LRBA: variants seen among roughly 807,000 people sequenced by gnomAD.
LRBA encodes lipopolysaccharide-responsive and beige-like anchor protein.
A neutral mutation model predicts 330.0 loss-of-function variants in LRBA; 176 were observed. That is an observed-to-expected ratio of 0.53 (90% CI 0.47 to 0.60). LRBA has a LOEUF of 0.60. LRBA is among the 20% of genes least tolerant of loss of function. The probability of loss-of-function intolerance (pLI) is 0.00; values close to 1 mark genes in which losing one functional copy is unlikely to be tolerated. For missense variants in LRBA, 3,259 were observed against 3,444.8 expected (o/e 0.95, Z 1.35); for synonymous variants, 1,230 against 1,193.0 (o/e 1.03, Z -0.64).
At chr4:150,940,859 CTTCTTTTTGTTTTCT>C (rs1561034267) in intron 2 of LRBA, among the ~76,000 whole-genome samples, 1 of 151,194 alleles carries the variant, frequency 6.6e-6, no homozygotes, top group Non-Finnish European at 1.5e-5. Flanking sequence ...TTTTGTTTTC[CTTCTTTTTGTTTTCT>C]TTCTTTCATG....
chr4:150,963,439 G>A lies in LRBA; in HGVS notation c.217-34374C>T, dbSNP rs1435507747. 1.3e-5 allele frequency among the ~76,000 whole-genome samples: 2 copies of A among 149,560 alleles called. 1 individual carries two copies. The highest frequency in any genetic ancestry group is 5.1e-5 in the African/African-American group (2 of 38,922). On this transcript the variant is annotated intron_variant, in intron 2 of 56. Coordinates refer to ENST00000651943, the MANE Select transcript of LRBA (RefSeq NM_001364905.1). ...TGACTGCGAGTGGTCTGCCGGCCTC[G>A]GCCTCCTGAGGTGCCGGGATTGCAG...
chr4:150,638,170 T>C (rs557162419), intron 37 of LRBA, among the ~76,000 whole-genome samples: 1 of 152,118 alleles, frequency 6.6e-6, no homozygotes, highest in African/African-American at 2.4e-5. Context: ...AAGCTGGGAT[T>C]ACAGGCAAGC....
chr4:150,826,910 G>A (rs1367019452), intron 30 of LRBA, among the ~76,000 whole-genome samples: 1 of 152,176 alleles, frequency 6.6e-6, no homozygotes, highest in Non-Finnish European at 1.5e-5. Flanking sequence ...CATCAAGTTT[G>A]AAACAATAAA....
chr4:150,324,282 T>C (rs1337733992), intron 49 of LRBA, among the ~76,000 whole-genome samples: 2 of 152,180 alleles, frequency 1.3e-5, no homozygotes, highest in Non-Finnish European at 2.9e-5. Context: ...TGGCAAGCTA[T>C]TACTAAAGCT....
intron 48 of LRBA, among the ~76,000 whole-genome samples, chr4:150,329,041 C>A (rs187529524): frequency 1.3e-5 from 2 of 152,108 alleles, no homozygotes; most frequent in African/African-American, 4.8e-5. Context: ...ATACAAGTGG[C>A]ACATTACTGA....
intron 53 of LRBA, among the ~76,000 whole-genome samples, chr4:150,287,835 C>T (rs1748327844): frequency 6.6e-6 from 1 of 152,126 alleles, no homozygotes; most frequent in Admixed American, 6.5e-5. Context: ...GCAAACTTAC[C>T]TTAATTAGAA....
At chr4:150,524,177 T>G (rs1321805518) in intron 40 of LRBA, among the ~76,000 whole-genome samples, 1 of 152,178 alleles carries the variant, frequency 6.6e-6, no homozygotes, top group Non-Finnish European at 1.5e-5. Context: ...AAGCACTTCT[T>G]ATACATGGTC....
chr4:150,508,303 G>C (rs1761403037), intron 40 of LRBA, among the ~76,000 whole-genome samples: 1 of 144,176 alleles, frequency 6.9e-6, no homozygotes, highest in East Asian at 2.1e-4. Context: ...TTTTTTTTGA[G>C]ACAGACCCTT....
At chr4:151,001,979 A>G (rs1743397707) in intron 2 of LRBA, among the ~76,000 whole-genome samples, 3 of 151,818 alleles carry the variant, frequency 2.0e-5, no homozygotes, top group South Asian at 2.1e-4. Context: ...AAAATCACAG[A>G]CGCCACTGAC....
At chr4:150,584,371 C>T (rs2126407529) in intron 40 of LRBA, 1 of 316,072 alleles carries the variant, frequency 3.2e-6, no homozygotes. Flanking sequence ...CAATCGGGCT[C>T]CGCCACCACA....
intron 47 of LRBA, among the ~76,000 whole-genome samples, chr4:150,406,325 T>C (rs763382955): frequency 1.4e-4 from 22 of 152,162 alleles, no homozygotes; most frequent in Admixed American, 5.9e-4. Context: ...TGCTATTGGA[T>C]GCTATCTGGA....
chr4:150,556,165 C>T (rs988218999), intron 40 of LRBA, among the ~76,000 whole-genome samples: 2 of 151,864 alleles, frequency 1.3e-5, no homozygotes, highest in South Asian at 2.1e-4. Context: ...TTTTATGGGA[C>T]CTGAAAAATG....
At chr4:150,702,131 T>C (rs1785179778) in intron 36 of LRBA, among the ~76,000 whole-genome samples, 1 of 152,174 alleles carries the variant, frequency 6.6e-6, no homozygotes, top group South Asian at 2.1e-4. Context: ...TATTTCCTAA[T>C]TATGAGTTTA....
chr4:150,935,745 T>C (rs1339806942), intron 2 of LRBA, among the ~76,000 whole-genome samples: 1 of 151,838 alleles, frequency 6.6e-6, no homozygotes, highest in African/African-American at 2.4e-5. Flanking sequence ...CAGAAAATAA[T>C]CTAATTAAAA....
chr4:150,494,668 T>A (rs572629415), intron 40 of LRBA, among the ~76,000 whole-genome samples: 6 of 152,312 alleles, frequency 3.9e-5, no homozygotes, highest in Admixed American at 3.9e-4. Flanking sequence ...AGTGTCATAG[T>A]CCTTTAAAAT....
intron 40 of LRBA, among the ~76,000 whole-genome samples, chr4:150,539,659 G>A (rs1162396105): frequency 6.6e-6 from 1 of 152,120 alleles, no homozygotes; most frequent in Non-Finnish European, 1.5e-5. Flanking sequence ...GTGATTGTAT[G>A]GCCTCACTAG....
In LRBA at chr4:150,828,279, T is replaced by G; in HGVS notation, c.5072A>C (p.Asp1691Ala). ...ILRSLVNIPA[D>A]GVTVDPALLP... Reference sequence around the variant, plus strand: ...AAGGGCAGGATCCACTGTGACTCCATCTGCTGGTATGTTAACCAAGCTTCG... The same window carrying G: ...AAGGGCAGGATCCACTGTGACTCCAGCTGCTGGTATGTTAACCAAGCTTCG... The change falls in exon 30 of 57, where the codon GAT becomes GCT. Residue 1691 changes from aspartate to alanine, a missense_variant. Physicochemically the swap from Asp to Ala is moderately radical, Grantham distance 126 (BLOSUM62 -2). Transcript: ENST00000651943. The G allele has an allele frequency of 6.2e-7, 1 of 1,614,174 alleles. No individual in the cohort carries two copies. The highest frequency in any genetic ancestry group is 8.5e-7 in the Non-Finnish European group (1 of 1,180,000).
chr4:150,562,808 A>T (rs1250798038), intron 40 of LRBA, among the ~76,000 whole-genome samples: 4 of 150,118 alleles, frequency 2.7e-5, no homozygotes, highest in Non-Finnish European at 5.9e-5. Flanking sequence ...CTTTGAAATA[A>T]TTTTTTTTTT....
At chr4:150,508,570 G>A (rs1204788335) in intron 40 of LRBA, among the ~76,000 whole-genome samples, 2 of 152,164 alleles carry the variant, frequency 1.3e-5, no homozygotes, top group Admixed American at 6.5e-5. Context: ...TTATAGGCAG[G>A]AGCCACCACG....
Sources: gnomAD v4.1 joint callset for allele counts (sites outside exome capture counted in the v4.1 genomes callset) on GRCh38, gnomAD v4.1.1 for gene constraint, MANE v1.5 for transcripts, NCBI Gene and HGNC (gene_info 2026-07-23, HGNC 2026-07-21) for gene names.